ATRN: variants seen among roughly 807,000 people sequenced by gnomAD.
ATRN encodes attractin-2.
A neutral mutation model predicts 178.7 loss-of-function variants in ATRN; 54 were observed. The ratio of observed to expected loss-of-function variants is 0.30; its 90% CI spans 0.24 to 0.38. ATRN has a LOEUF of 0.38. Among genes scored for constraint, ATRN ranks in the 10% least tolerant of loss-of-function variants. The probability of loss-of-function intolerance (pLI) is 1.00; values close to 1 mark genes in which losing one functional copy is unlikely to be tolerated. For synonymous variants in ATRN, 636 were observed against 663.0 expected, an observed-to-expected ratio of 0.96 and a Z score of 0.63; for missense variants, 1,443 against 1,815.1, an observed-to-expected ratio of 0.79 and a Z score of 3.73.
chr20:3,575,433 C>T (rs1397608191), intron 12 of ATRN, among the ~76,000 whole-genome samples: 1 of 152,118 alleles, frequency 6.6e-6, no homozygotes, highest in South Asian at 2.1e-4. Flanking sequence ...ATTAGCCTTG[C>T]GTTTATAACT....
rs2087141144 is a variant in ATRN at position 3,650,779 on chromosome 20, T to C, written c.*3932T>C. On this transcript the variant is annotated 3_prime_UTR_variant, in exon 29 of 29. Coordinates refer to ENST00000262919, the MANE Select transcript of ATRN (RefSeq NM_139321.3). ...CCTGTTTCGTTGAACTAATTCTGGC[T>C]CTGGAAATGTTTTTGTTTTATAGTT... is the stretch of plus-strand genomic sequence containing the variant. 2 of 152,708 alleles carry C rather than the reference T, an allele frequency of 1.3e-5. No homozygotes were observed. The allele number at this position is 152,708 out of a possible 1,614,324, so 9.5% of individuals were successfully genotyped here.
intron 27 of ATRN, 73 bp downstream of exon 27, chr20:3,639,008 G>A (rs2087046679): frequency 4.1e-6 from 5 of 1,212,674 alleles, no homozygotes; most frequent in African/African-American, 1.5e-5. Context: ...GGAAACCAGA[G>A]AGAGCAAAAG....
intron 25 of ATRN, among the ~76,000 whole-genome samples, chr20:3,626,777 A>ATTT (rs2086943562): frequency 9.9e-6 from 1 of 101,386 alleles, no homozygotes; most frequent in Non-Finnish European, 1.9e-5. Flanking sequence ...CATATGAATT[A>ATTT]TTTCTTTTTT....
chr20:3,500,679 A>C (rs1192933514), intron 1 of ATRN, among the ~76,000 whole-genome samples: 1 of 114,946 alleles, frequency 8.7e-6, no homozygotes, highest in Non-Finnish European at 1.7e-5. Context: ...CACTCTGGGG[A>C]CTGTTGTGGG....
At chr20:3,596,513 T>C (rs1292499266) in intron 21 of ATRN, 84 bp downstream of exon 21, 2 of 1,317,494 alleles carry the variant, frequency 1.5e-6, no homozygotes, top group Non-Finnish European at 2.2e-6. Flanking sequence ...GAATAGTAAG[T>C]GCTATAAGAC....
At chr20:3,517,843 A>G (rs2085226928) in intron 1 of ATRN, among the ~76,000 whole-genome samples, 3 of 151,914 alleles carry the variant, frequency 2.0e-5, no homozygotes, top group Admixed American at 2.0e-4. Flanking sequence ...CACAGTCTGC[A>G]TTTTTTGGGC....
At position 3,638,675 on chromosome 20, in the gene ATRN, C is replaced by T. The variant is rs1256555732; in HGVS notation, c.3943-153C>T. On this transcript the variant is annotated intron_variant, in intron 26 of 28. Transcript: ENST00000262919. This position sits in a 1 kb window ranked among gnomAD's most constrained non-coding sequence, Gnocchi z 4.5. ...ATCACATCCAACAAAATTTAGTAAT[C>T]CCTAATGTTATCTAATATCAAGTCT... Among the ~76,000 whole-genome samples, 1 of 152,152 alleles carries T rather than the reference C, an allele frequency of 6.6e-6. No homozygotes were observed. The highest frequency in any genetic ancestry group is 6.5e-5 in the Admixed American group (1 of 15,272).
intron 1 of ATRN, among the ~76,000 whole-genome samples, chr20:3,529,151 T>C (rs2085415143): frequency 6.6e-6 from 1 of 152,160 alleles, no homozygotes; most frequent in Non-Finnish European, 1.5e-5. Context: ...TACAAATTTA[T>C]ACCATAATGA....
intron 1 of ATRN, among the ~76,000 whole-genome samples, chr20:3,507,469 GAA>G (rs906950373): frequency 1.3e-5 from 2 of 151,450 alleles, no homozygotes; most frequent in Non-Finnish European, 2.9e-5. Flanking sequence ...TGCACATACC[GAA>G]AAGAGTTTGA....
At chr20:3,526,658 A>C (rs1171309731) in intron 1 of ATRN, among the ~76,000 whole-genome samples, 1 of 152,198 alleles carries the variant, frequency 6.6e-6, no homozygotes, top group East Asian at 1.9e-4. Context: ...ACAAAGCTGG[A>C]GGCATCTTGC....
chr20:3,631,881 A>C (rs929259191), intron 25 of ATRN, among the ~76,000 whole-genome samples: 1 of 152,214 alleles, frequency 6.6e-6, no homozygotes, highest in Non-Finnish European at 1.5e-5. Flanking sequence ...CGTGGAAGCC[A>C]AGAAAGACTG....
At chr20:3,624,298 A>C (rs184345831) in intron 24 of ATRN, among the ~76,000 whole-genome samples, 1 of 152,242 alleles carries the variant, frequency 6.6e-6, no homozygotes, top group Non-Finnish European at 1.5e-5. Context: ...AAGGGGCTGC[A>C]GGAGGCTGTG....
intron 18 of ATRN, 108 bp downstream of exon 18, chr20:3,584,988 T>C: frequency 9.6e-7 from 1 of 1,037,244 alleles, no homozygotes; most frequent in Non-Finnish European, 1.4e-6. Context: ...TCAGCCCCTT[T>C]CCTTCCTCCT....
chr20:3,622,833 T>C lies in ATRN; in HGVS notation c.3802-1678T>C, dbSNP rs371531224. 4.2e-3 allele frequency among the ~76,000 whole-genome samples: 643 copies of C among 152,358 alleles called. 6 individuals carry two copies. Among genetic ancestry groups the C allele is most frequent in the Non-Finnish European group, 6.9e-3 (470 of 68,026 alleles). The stretch of plus-strand genomic sequence containing the variant: ...GTTCTTTATGATTATAATTTGGACA[T>C]GAACATGGAGTGGTCCTGCTTCAGC... On this transcript the variant is annotated intron_variant, in intron 24 of 28. Transcript: ENST00000262919.
chr20:3,550,309 C>T (rs2060187511), intron 6 of ATRN, among the ~76,000 whole-genome samples: 1 of 152,186 alleles, frequency 6.6e-6, no homozygotes, highest in Admixed American at 6.5e-5. Context: ...TTTCTGGGCT[C>T]TCCATTCTGT....
At chr20:3,616,885 C>T (rs980973547) in intron 24 of ATRN, among the ~76,000 whole-genome samples, 2 of 152,092 alleles carry the variant, frequency 1.3e-5, no homozygotes, top group Non-Finnish European at 2.9e-5. Context: ...TTCCTTTCCT[C>T]CTCTGCACCT....
rs752467297 is a variant in ATRN at position 3,584,031 on chromosome 20, C to T, written c.2898C>T (p.Ala966=). Residue 966 remains alanine (A), a synonymous_variant, in exon 17 of 29, where the codon GCC becomes GCT. Transcript: ENST00000262919. ...KQCVDSNAYV[A]SFPFGQCMEW... is the part of the protein sequence containing the mutation. ...GTGTGGACTCCAATGCCTACGTGGC[C>T]TCCTTCCCTTTTGGCCAGTGTATGG... is the stretch of plus-strand genomic sequence containing the variant. 3.7e-6 allele frequency: 6 copies of T among 1,614,138 alleles called. No individual in the cohort carries two copies. Among genetic ancestry groups the T allele is most frequent in the East Asian group, 2.2e-5 (1 of 44,876 alleles).
intron 27 of ATRN, 98 bp downstream of exon 27, chr20:3,639,033 C>A: frequency 2.4e-6 from 2 of 822,930 alleles, no homozygotes; most frequent in South Asian, 2.0e-5. Context: ...ATTCCATTAC[C>A]TCCTTTTTTT....
intron 1 of ATRN, among the ~76,000 whole-genome samples, chr20:3,476,895 T>C (rs2084539352): frequency 6.6e-6 from 1 of 152,218 alleles, no homozygotes; most frequent in African/African-American, 2.4e-5. Flanking sequence ...AAACAAAATG[T>C]GAAGAAGTGA....
Sources: allele counts gnomAD v4.1 joint callset (sites outside exome capture counted in the v4.1 genomes callset), GRCh38; gene constraint gnomAD v4.1.1; non-coding constraint Gnocchi (gnomAD v3.1); transcripts MANE v1.5; gene names NCBI Gene and HGNC (gene_info 2026-07-23, HGNC 2026-07-21).